Variants in FBLN7 observed in about 807,000 individuals in gnomAD.
The protein encoded by FBLN7 is fibulin 7.
A neutral mutation model predicts 44.0 loss-of-function variants in FBLN7; 31 were observed. That is an observed-to-expected ratio of 0.70 (90% CI 0.53 to 0.95). FBLN7 has a LOEUF of 0.95. Ranked by LOEUF, FBLN7 falls within the 40% of genes least tolerant of loss-of-function variation. FBLN7 has a pLI of 0.00. For synonymous variants in FBLN7, 262 were observed against 253.4 expected (o/e 1.03, Z -0.32); for missense variants, 573 against 618.5 (o/e 0.93, Z 0.78).
At chr2:112,211,196 T>C in the FBLN7 span, among the ~76,000 whole-genome samples, 2 of 152,250 alleles carry the variant, frequency 1.3e-5, no homozygotes, top group Admixed American at 6.5e-5. Context: ...ACCTGATTCA[T>C]TGAGGTCTAC....
intron 2 of FBLN7, 78 bp from the exon 3 acceptor site, chr2:112,164,923 G>A (rs1682064390): frequency 6.6e-7 from 1 of 1,505,498 alleles, no homozygotes; most frequent in Admixed American, 1.8e-5. Flanking sequence ...TTCGAGATGG[G>A]AAGTCCTGTA....
chr2:112,171,449 C>G (rs1281041068), intron 3 of FBLN7, among the ~76,000 whole-genome samples: 2 of 152,040 alleles, frequency 1.3e-5, no homozygotes, highest in Non-Finnish European at 2.9e-5. Flanking sequence ...GAGAAGGGAG[C>G]AGAGCTTCAG....
chr2:112,161,219 G>A (rs1169425930), intron 2 of FBLN7, among the ~76,000 whole-genome samples: 1 of 152,148 alleles, frequency 6.6e-6, no homozygotes, highest in Non-Finnish European at 1.5e-5. Flanking sequence ...GGAGCCTGTG[G>A]AATATCTGAC....
At chr2:112,173,693 TATC>T (rs1395669860) in intron 3 of FBLN7, among the ~76,000 whole-genome samples, 1 of 152,234 alleles carries the variant, frequency 6.6e-6, no homozygotes, top group Non-Finnish European at 1.5e-5. Flanking sequence ...AAAGCAGAAT[TATC>T]ATCTGGGCTT....
intron 7 of FBLN7, among the ~76,000 whole-genome samples, 174 bp downstream of exon 7, chr2:112,185,513 T>G (rs902298590): frequency 6.6e-6 from 1 of 152,174 alleles, no homozygotes. Context: ...TTGCATTTAA[T>G]GCGTTGCTGC....
intron 1 of FBLN7, among the ~76,000 whole-genome samples, chr2:112,142,337 C>T (rs1056809742): frequency 6.6e-6 from 1 of 152,130 alleles, no homozygotes; most frequent in Non-Finnish European, 1.5e-5. Flanking sequence ...AGGGCTCTGG[C>T]GTAGTACCGA....
chr2:112,234,032 TA>T, the FBLN7 span: 100,789 of 760,490 alleles, frequency 0.13, 7,574 homozygotes, highest in Non-Finnish European at 0.15. Context: ...GAAACAGCTT[TA>T]AAAACCTAAA....
At chr2:112,211,604 A>C in the FBLN7 span, 32 of 152,382 alleles carry the variant, frequency 2.1e-4, no homozygotes, top group East Asian at 6.2e-3. Context: ...AATGCCACTG[A>C]ATCAATAAGA....
intron 2 of FBLN7, among the ~76,000 whole-genome samples, chr2:112,160,083 C>T (rs948721278): frequency 9.9e-5 from 15 of 152,036 alleles, no homozygotes; most frequent in East Asian, 3.9e-4. Flanking sequence ...CTCCGCCTCC[C>T]GGGTTCACGC....
intron 1 of FBLN7, chr2:112,153,116 T>C (rs1045197119): frequency 3.3e-5 from 5 of 152,182 alleles, no homozygotes; most frequent in African/African-American, 1.2e-4. Flanking sequence ...CAGAGGTCTC[T>C]GGCATGAAGA....
At chr2:112,236,189 G>C in the FBLN7 span, among the ~76,000 whole-genome samples, 1 of 152,026 alleles carries the variant, frequency 6.6e-6, no homozygotes, top group Non-Finnish European at 1.5e-5. Context: ...ACTTGAACCC[G>C]AGAGGCGGAG....
At chr2:112,138,765 T>C (rs1680477813) in intron 1 of FBLN7, 35 bp downstream of exon 1, 1 of 1,507,084 alleles carries the variant, frequency 6.6e-7, no homozygotes, top group Admixed American at 2.0e-5. Context: ...CAGGCCAGTG[T>C]CCCTCCCGCC....
chr2:112,165,250 C>T, intron 3 of FBLN7, 79 bp downstream of exon 3: 1 of 1,501,662 alleles, frequency 6.7e-7, no homozygotes, highest in Non-Finnish European at 9.0e-7. Flanking sequence ...AAGGGTCATT[C>T]CTTGGAACAT....
the FBLN7 span, among the ~76,000 whole-genome samples, chr2:112,222,544 C>A: frequency 6.6e-6 from 1 of 152,164 alleles, no homozygotes; most frequent in East Asian, 1.9e-4. Context: ...AGGACAAATA[C>A]TATATGATTT....
chr2:112,173,761 G>A (rs1343913532), intron 3 of FBLN7, among the ~76,000 whole-genome samples: 3 of 152,240 alleles, frequency 2.0e-5, no homozygotes, highest in Admixed American at 6.5e-5. Context: ...TGGGACATAC[G>A]TGCGTGTGAT....
chr2:112,148,004 G>C (rs184210685), intron 1 of FBLN7, among the ~76,000 whole-genome samples: 1 of 152,022 alleles, frequency 6.6e-6, no homozygotes, highest in East Asian at 1.9e-4. Flanking sequence ...CTCACTGCCC[G>C]CCAGCTCTCC....
intron 2 of FBLN7, among the ~76,000 whole-genome samples, chr2:112,164,504 G>A (rs535493819): frequency 7.9e-5 from 12 of 152,282 alleles, no homozygotes; most frequent in African/African-American, 2.4e-4. Flanking sequence ...CAGGGAACAC[G>A]CGGGGAGGTG....
chr2:112,236,689 T>G, the FBLN7 span: 2 of 1,606,202 alleles, frequency 1.2e-6, no homozygotes, highest in Non-Finnish European at 1.7e-6. Context: ...ATTTTTTTGT[T>G]TAGCAGCTAA....
chr2:112,153,185 A>G (rs1394345077), intron 1 of FBLN7: 1 of 152,196 alleles, frequency 6.6e-6, no homozygotes, highest in Middle Eastern at 3.2e-3. Flanking sequence ...TAAGTTCTGT[A>G]GAGAGCACAT....
Sources: allele counts gnomAD v4.1 joint callset (sites outside exome capture counted in the v4.1 genomes callset), GRCh38; gene constraint gnomAD v4.1.1; transcripts MANE v1.5; gene names NCBI Gene and HGNC (gene_info 2026-07-23, HGNC 2026-07-21).